Variants in UNC13C observed in about 807,000 individuals in gnomAD.
UNC13C encodes unc-13 homolog C.
A neutral mutation model predicts 245.4 loss-of-function variants in UNC13C; 174 were observed. The observed-to-expected ratio is 0.71, with a 90% CI of 0.63 to 0.80. The LOEUF (loss-of-function observed/expected upper bound fraction) is 0.80. Ranked by LOEUF, UNC13C falls within the 30% of genes least tolerant of loss-of-function variation. The pLI, the probability that UNC13C is intolerant of heterozygous loss-of-function variation, is 0.00. For missense variants in UNC13C, 2,829 were observed against 2,602.9 expected (o/e 1.09, Z -1.89); for synonymous variants, 992 against 895.1 (o/e 1.11, Z -1.93).
intron 1 of UNC13C, among the ~76,000 whole-genome samples, chr15:54,003,960 G>A (rs955468639): frequency 1.3e-5 from 2 of 152,074 alleles, no homozygotes; most frequent in African/African-American, 4.8e-5. Context: ...GCAGTGAGCC[G>A]AGATCCTGCC....
Position 54,146,394 on chromosome 15 carries a change from A to C in UNC13C, c.3071+2710A>C, listed in dbSNP as rs148529294. On this transcript the variant is annotated intron_variant, in intron 4 of 32. Coordinates refer to ENST00000260323, the MANE Select transcript of UNC13C (RefSeq NM_001080534.3). ...GTCAATGACAGCATAATCTCTACAC[A>C]CTAAAACCAAATTAATAAACTATAT... Among the ~76,000 whole-genome samples the C allele has an allele frequency of 6.1e-3, 934 of 152,296 alleles. 44 individuals are homozygous for C. The highest frequency in any genetic ancestry group is 0.055 in the Admixed American group (847 of 15,294).
At chr15:53,878,381 A>C in the UNC13C span, among the ~76,000 whole-genome samples, 1 of 152,156 alleles carries the variant, frequency 6.6e-6, no homozygotes, top group African/African-American at 2.4e-5. Context: ...CTTGATCAAC[A>C]CTCAGAATTT....
intron 17 of UNC13C, among the ~76,000 whole-genome samples, chr15:54,381,076 T>C (rs1425121510): frequency 6.6e-6 from 1 of 152,168 alleles, no homozygotes; most frequent in Non-Finnish European, 1.5e-5. Flanking sequence ...TTTCTTTTAG[T>C]GATTTAATAG....
intron 30 of UNC13C, among the ~76,000 whole-genome samples, chr15:54,601,736 G>T (rs141794257): frequency 1.6e-3 from 248 of 152,230 alleles, no homozygotes; most frequent in African/African-American, 5.8e-3. Context: ...TTCCAAAGGA[G>T]TTTTTTCACT....
At chr15:53,924,927 G>A in the UNC13C span, among the ~76,000 whole-genome samples, 2 of 152,160 alleles carry the variant, frequency 1.3e-5, no homozygotes, top group Non-Finnish European at 2.9e-5. Flanking sequence ...AGGGTTATAT[G>A]GTTATACGTG....
chr15:54,497,650 G>A (rs1433819663), intron 20 of UNC13C, among the ~76,000 whole-genome samples: 4 of 152,118 alleles, frequency 2.6e-5, no homozygotes, highest in Non-Finnish European at 5.9e-5. Context: ...AGGGACAAAT[G>A]TTAGAGATCA....
intron 4 of UNC13C, among the ~76,000 whole-genome samples, chr15:54,145,079 A>T (rs1428587009): frequency 6.6e-6 from 1 of 151,988 alleles, no homozygotes; most frequent in East Asian, 1.9e-4. Flanking sequence ...TACATGAGCC[A>T]CCGTGCCTGG....
chr15:53,930,645 C>T, the UNC13C span, among the ~76,000 whole-genome samples: 1,834 of 152,240 alleles, frequency 0.012, 35 homozygotes, highest in African/African-American at 0.042. Context: ...CCTCAGTAGC[C>T]TTTGCTGGAT....
At position 54,013,507 on chromosome 15, in the gene UNC13C, A is replaced by C; in HGVS notation, c.604A>C (p.Thr202Pro). The change falls in exon 2 of 33, where the codon ACC becomes CCC. Residue 202 changes from threonine (T) to proline (P), a missense_variant. By Grantham distance (38) the Thr-to-Pro change is conservative. Transcript: ENST00000260323. ...ECVSSDSELS[T>P]MKKSWGIRSK... The stretch of plus-strand genomic sequence containing the variant: ...TGTCTCCTCAGACTCAGAGTTAAGC[A>C]CCATGAAAAAATCCTGGGGAATAAG... The C allele has an allele frequency of 6.2e-7, 1 of 1,613,966 alleles. No individual in the cohort carries two copies. The highest frequency in any genetic ancestry group is 1.1e-5 in the South Asian group (1 of 91,090).
At chr15:54,587,242 T>G (rs1020807445) in intron 30 of UNC13C, among the ~76,000 whole-genome samples, 2 of 150,824 alleles carry the variant, frequency 1.3e-5, no homozygotes, top group Non-Finnish European at 2.9e-5. Flanking sequence ...AATTTCAAAC[T>G]GTTGTGTCAT....
chr15:54,234,879 G>T, intron 4 of UNC13C, 151 bp from the exon 5 acceptor site: 1 of 649,076 alleles, frequency 1.5e-6, no homozygotes. Flanking sequence ...CAAAGTCCTA[G>T]AAGCTTGTAT....
chr15:53,919,382 T>C, the UNC13C span, among the ~76,000 whole-genome samples: 4 of 152,216 alleles, frequency 2.6e-5, no homozygotes, highest in Admixed American at 2.0e-4. Flanking sequence ...TAGGTGACCA[T>C]GTGTGCCTCA....
At chr15:54,565,337 A>G (rs1897463612) in intron 29 of UNC13C, among the ~76,000 whole-genome samples, 1 of 151,970 alleles carries the variant, frequency 6.6e-6, no homozygotes, top group African/African-American at 2.4e-5. Flanking sequence ...TTTAATAAAT[A>G]TTTATTAAAG....
At position 54,015,753 on chromosome 15, in the gene UNC13C, T is replaced by A. The variant is rs1412714101; in HGVS notation, c.2850T>A (p.Asp950Glu). 1.2e-6 allele frequency: 2 copies of A among 1,612,956 alleles called. No homozygotes were observed. Among genetic ancestry groups the A allele is most frequent in the Non-Finnish European group, 1.7e-6 (2 of 1,179,438 alleles). Residue 950 changes from aspartate to glutamate, a missense_variant, in exon 2 of 33, where the codon GAT becomes GAA. By Grantham distance (45) the Asp-to-Glu change is conservative (BLOSUM62 2). Transcript: ENST00000260323. ...CAGCTGAGATGGAAATAAGAGAAGA[T>A]GAAAACCAAAACATTCCTGAACAGC... ...ETSAEMEIRE[D>E]ENQNIPEQPV...
intron 1 of UNC13C, among the ~76,000 whole-genome samples, chr15:53,988,409 A>T (rs1894239369): frequency 6.6e-6 from 1 of 151,946 alleles, no homozygotes; most frequent in Non-Finnish European, 1.5e-5. Flanking sequence ...AAAAATAACA[A>T]AATTGTTGTG....
the UNC13C span, among the ~76,000 whole-genome samples, chr15:53,924,816 C>A: frequency 6.6e-6 from 1 of 152,158 alleles, no homozygotes; most frequent in South Asian, 2.1e-4. Context: ...CAATTCTTAT[C>A]ACAATCAAAA....
At chr15:54,057,708 G>T (rs1897601818) in intron 2 of UNC13C, among the ~76,000 whole-genome samples, 1 of 152,108 alleles carries the variant, frequency 6.6e-6, no homozygotes, top group African/African-American at 2.4e-5. Flanking sequence ...CACACAGTTG[G>T]AAGTAAAGCA....
At chr15:54,114,678 C>G (rs983725407) in intron 2 of UNC13C, among the ~76,000 whole-genome samples, 1 of 152,034 alleles carries the variant, frequency 6.6e-6, no homozygotes, top group African/African-American at 2.4e-5. Flanking sequence ...CCTTTTACCT[C>G]TATGTAAGAG....
intron 17 of UNC13C, among the ~76,000 whole-genome samples, chr15:54,368,359 A>G (rs981855746): frequency 8.5e-5 from 13 of 152,064 alleles, no homozygotes; most frequent in African/African-American, 2.9e-4. Flanking sequence ...AAATTATCAA[A>G]TCTTCTTTCC....
Sources: gnomAD v4.1 joint callset for allele counts (sites outside exome capture counted in the v4.1 genomes callset) on GRCh38, gnomAD v4.1.1 for gene constraint, MANE v1.5 for transcripts, NCBI Gene and HGNC (gene_info 2026-07-23, HGNC 2026-07-21) for gene names.